Variants in OPCML observed in about 807,000 individuals in gnomAD.
The protein encoded by OPCML is opioid binding protein/cell adhesion molecule like, also known as opioid-binding protein/cell adhesion molecule.
OPCML carries 13 observed loss-of-function variants against 37.8 expected under a neutral mutation model. The ratio of observed to expected loss-of-function variants is 0.34; its 90% CI spans 0.22 to 0.55. OPCML has a LOEUF of 0.55. OPCML is among the 20% of genes least tolerant of loss of function. The pLI, the probability that OPCML is intolerant of heterozygous loss-of-function variation, is 0.91. For missense variants in OPCML, 341 were observed against 435.6 expected (o/e 0.78, Z 1.93); for synonymous variants, 176 against 168.8 (o/e 1.04, Z -0.33).
intron 2 of OPCML, among the ~76,000 whole-genome samples, chr11:132,768,056 C>T (rs1203438458): frequency 6.6e-6 from 1 of 152,188 alleles, no homozygotes; most frequent in African/African-American, 2.4e-5. Flanking sequence ...GGTGTTGACC[C>T]AGTGTCAGAA....
At chr11:133,096,069 A>G (rs376869568) in intron 1 of OPCML, among the ~76,000 whole-genome samples, 19 of 152,122 alleles carry the variant, frequency 1.2e-4, no homozygotes, top group African/African-American at 4.3e-4. Context: ...AAAATCCTTC[A>G]CCGATCTAAC....
chr11:132,815,188 G>A (rs1939560785), intron 2 of OPCML, among the ~76,000 whole-genome samples: 1 of 152,096 alleles, frequency 6.6e-6, no homozygotes, highest in African/African-American at 2.4e-5. Context: ...TCTTCCATGA[G>A]TCACCTTTCT....
chr11:133,053,625 C>T (rs1031795630), intron 1 of OPCML, among the ~76,000 whole-genome samples: 1 of 152,216 alleles, frequency 6.6e-6, no homozygotes, highest in Admixed American at 6.5e-5. Flanking sequence ...ATGACTCCTT[C>T]TTCCTCTTGA....
intron 1 of OPCML, among the ~76,000 whole-genome samples, chr11:133,002,307 G>A (rs578207511): frequency 1.3e-5 from 2 of 152,284 alleles, no homozygotes; most frequent in South Asian, 2.1e-4. Flanking sequence ...AGCTGCTGAG[G>A]TGCAAGACTA....
intron 3 of OPCML, among the ~76,000 whole-genome samples, chr11:132,533,086 G>GA (rs1478761218): frequency 1.3e-5 from 2 of 152,136 alleles, no homozygotes; most frequent in Admixed American, 1.3e-4. Flanking sequence ...AACCTTATCT[G>GA]AAATGCCCAA....
At chr11:132,483,783 C>A (rs548651089) in intron 4 of OPCML, among the ~76,000 whole-genome samples, 2 of 151,810 alleles carry the variant, frequency 1.3e-5, no homozygotes, top group Admixed American at 6.6e-5. Context: ...ACTATCTGAT[C>A]TTTGACAAAC....
At chr11:133,420,824 G>A (rs1038706837) in intron 1 of OPCML, 1 of 985,350 alleles carries the variant, frequency 1.0e-6, no homozygotes, top group Non-Finnish European at 1.2e-6. Flanking sequence ...AGGAACATCG[G>A]GAGATTTCAT....
intron 1 of OPCML, among the ~76,000 whole-genome samples, chr11:133,310,537 A>C (rs1046727433): frequency 6.6e-6 from 1 of 152,130 alleles, no homozygotes; most frequent in Non-Finnish European, 1.5e-5. Context: ...GAATGGTAAA[A>C]TCATCAACAG....
In OPCML at chr11:132,943,308, C is replaced by T. The variant is rs1022932151; in HGVS notation, c.62-298G>A. Reference sequence around the variant, plus strand: ...CTTTCCAGCCTAGCAGAACCAGATGCCCCCTCCTGCATCCAAAAAGAGCTT... The same window carrying T: ...CTTTCCAGCCTAGCAGAACCAGATGTCCCCTCCTGCATCCAAAAAGAGCTT... On this transcript the variant is annotated intron_variant, in intron 1 of 7. Transcript: ENST00000524381. The surrounding 1 kb of genome is among the most constrained non-coding windows in gnomAD (Gnocchi z 4.3). 9 of 662,064 alleles carry T rather than the reference C, an allele frequency of 1.4e-5. No individual in the cohort carries two copies. Among genetic ancestry groups the T allele is most frequent in the Admixed American group, 1.2e-4 (4 of 33,680 alleles). 41.0% of individuals were successfully genotyped at this position (662,064 alleles called of 1,614,324 possible).
chr11:132,471,305 T>G (rs545819422), intron 4 of OPCML, among the ~76,000 whole-genome samples: 14 of 152,290 alleles, frequency 9.2e-5, no homozygotes, highest in African/African-American at 3.4e-4. Flanking sequence ...TCATCTGCTC[T>G]TCAGGTACTG....
At chr11:133,384,571 C>G (rs149163756) in intron 1 of OPCML, among the ~76,000 whole-genome samples, 214 of 152,312 alleles carry the variant, frequency 1.4e-3, no homozygotes, top group African/African-American at 4.9e-3. Context: ...CAAGTTAATT[C>G]ATTTTTATTA....
chr11:133,049,988 T>A (rs1008622738), intron 1 of OPCML, among the ~76,000 whole-genome samples: 2 of 152,214 alleles, frequency 1.3e-5, no homozygotes, highest in African/African-American at 4.8e-5. Flanking sequence ...TGGAAATCCC[T>A]CACCAGTTGA....
chr11:132,798,260 G>T (rs913085818), intron 2 of OPCML, among the ~76,000 whole-genome samples: 1 of 151,848 alleles, frequency 6.6e-6, no homozygotes, highest in Non-Finnish European at 1.5e-5. Flanking sequence ...TGGTAGAGAT[G>T]GGGTTTTACC....
At chr11:132,442,890 G>A (rs187724650) in intron 4 of OPCML, among the ~76,000 whole-genome samples, 313 of 152,216 alleles carry the variant, frequency 2.1e-3, no homozygotes, top group African/African-American at 7.0e-3. Context: ...CCCCAGTCTC[G>A]GGTGTGTCTT....
At chr11:133,345,728 G>T (rs1252328112) in intron 1 of OPCML, among the ~76,000 whole-genome samples, 1 of 152,184 alleles carries the variant, frequency 6.6e-6, no homozygotes, top group Non-Finnish European at 1.5e-5. Flanking sequence ...CTTCAGATCC[G>T]TGAAGAAAGA....
intron 1 of OPCML, among the ~76,000 whole-genome samples, chr11:133,132,480 G>T (rs1466357465): frequency 6.6e-6 from 1 of 152,164 alleles, no homozygotes; most frequent in Non-Finnish European, 1.5e-5. Context: ...ACAGTTTCTT[G>T]AAGAGTGAAG....
At chr11:132,906,622 G>A (rs944163988) in intron 2 of OPCML, among the ~76,000 whole-genome samples, 1 of 152,158 alleles carries the variant, frequency 6.6e-6, no homozygotes, top group African/African-American at 2.4e-5. Context: ...AACACACACT[G>A]TACTCTTCTC....
chr11:133,095,509 G>C (rs1390942599), intron 1 of OPCML, among the ~76,000 whole-genome samples: 2 of 147,872 alleles, frequency 1.4e-5, no homozygotes, highest in African/African-American at 5.0e-5. Context: ...GAAAATGAAA[G>C]GATGGATTTA....
intron 2 of OPCML, among the ~76,000 whole-genome samples, chr11:132,936,022 G>T (rs1338605481): frequency 6.6e-6 from 1 of 152,164 alleles, no homozygotes; most frequent in East Asian, 1.9e-4. Context: ...GTTAGATCCT[G>T]GTGGGTGTCA....
Sources: allele counts gnomAD v4.1 joint callset (sites outside exome capture counted in the v4.1 genomes callset), GRCh38; gene constraint gnomAD v4.1.1; non-coding constraint Gnocchi (gnomAD v3.1); transcripts MANE v1.5; gene names NCBI Gene and HGNC (gene_info 2026-07-23, HGNC 2026-07-21).